SNRPN: variants seen among roughly 807,000 people sequenced by gnomAD.
SNRPN encodes the protein small nuclear ribonucleoprotein-associated protein N.
In SNRPN, 7 loss-of-function variants were observed where a neutral mutation model predicts 25.2. The ratio of observed to expected loss-of-function variants is 0.28; its 90% CI spans 0.16 to 0.52. SNRPN has a LOEUF of 0.52. Ranked by LOEUF, SNRPN falls within the 20% of genes least tolerant of loss-of-function variation. The probability of loss-of-function intolerance (pLI) is 0.96; values close to 1 mark genes in which losing one functional copy is unlikely to be tolerated. For synonymous variants in SNRPN, 124 were observed against 110.6 expected, an observed-to-expected ratio of 1.12 and a Z score of -0.76; for missense variants, 196 against 322.5, an observed-to-expected ratio of 0.61 and a Z score of 3.00.
intron 3 of SNRPN, among the ~76,000 whole-genome samples, chr15:24,945,343 T>TAA (rs11422448): frequency 0.067 from 5,597 of 83,576 alleles, 372 homozygotes; most frequent in Non-Finnish European, 0.074. Flanking sequence ...ACCCACCATG[T>TAA]AAAAAAAAAA....
intron 3 of SNRPN, among the ~76,000 whole-genome samples, chr15:24,949,214 G>GTTT (rs1467807595): frequency 6.6e-6 from 1 of 151,586 alleles, no homozygotes; most frequent in African/African-American, 2.4e-5. Context: ...TAGAGACAAG[G>GTTT]TTTTGCCATG....
intron 2 of SNRPN, among the ~76,000 whole-genome samples, chr15:24,834,715 G>GTCTCTCTCCCTCTC (rs2050859265): frequency 2.7e-5 from 1 of 36,948 alleles, no homozygotes; most frequent in Non-Finnish European, 6.9e-5. Context: ...GTGAGACCTT[G>GTCTCTCTCCCTCTC]TCTCTCTCTC....
chr15:24,845,314 A>G (rs1240889468), intron 2 of SNRPN, among the ~76,000 whole-genome samples: 6 of 152,224 alleles, frequency 3.9e-5, no homozygotes, highest in Admixed American at 3.9e-4. Context: ...AACTTGAAAT[A>G]ATGGCCAGGT....
intron 2 of SNRPN, among the ~76,000 whole-genome samples, chr15:24,891,461 G>T (rs983616764): frequency 6.7e-6 from 1 of 148,254 alleles, no homozygotes; most frequent in Non-Finnish European, 1.5e-5. Context: ...TTTTTGAGAC[G>T]GATTCTCGCT....
intron 2 of SNRPN, among the ~76,000 whole-genome samples, chr15:24,836,323 G>A (rs1467625201): frequency 6.6e-6 from 1 of 152,028 alleles, no homozygotes; most frequent in East Asian, 1.9e-4. Context: ...GCTCTGCAGG[G>A]GAGAAAAATA....
chr15:24,832,657 C>T (rs2050642394), intron 2 of SNRPN, among the ~76,000 whole-genome samples: 2 of 152,004 alleles, frequency 1.3e-5, no homozygotes. Flanking sequence ...TCTCTTCGCT[C>T]TTCACAATAA....
At position 24,929,464 on chromosome 15, in the gene SNRPN, T is replaced by C. The variant is rs2060650999; in HGVS notation, c.-391+9340T>C. Among the ~76,000 whole-genome samples, 1 of 152,170 alleles carries C rather than the reference T, an allele frequency of 6.6e-6. No homozygotes were observed. The highest frequency in any genetic ancestry group is 2.4e-5 in the African/African-American group (1 of 41,448). On this transcript the variant is annotated intron_variant, in intron 3 of 11. Transcript: ENST00000400097. The surrounding 1 kb of genome is among the most constrained non-coding windows in gnomAD (Gnocchi z 5.3). ...AATTTTCAGATAAATGTAAGCAGGC[T>C]TCTGCAGTGAAAGGGGCCAGGTCTA...
intron 7 of SNRPN, among the ~76,000 whole-genome samples, chr15:24,977,251 G>A (rs1475179010): frequency 6.6e-6 from 1 of 152,180 alleles, no homozygotes; most frequent in East Asian, 1.9e-4. Context: ...AGAGTAACTT[G>A]CCACTAGTGG....
intron 1 of SNRPN, among the ~76,000 whole-genome samples, chr15:24,872,821 G>A (rs1189986961): frequency 1.9e-5 from 2 of 107,480 alleles, no homozygotes; most frequent in East Asian, 3.1e-4. Context: ...AGGCTGAGGC[G>A]GGCGGATCAC....
intron 2 of SNRPN, among the ~76,000 whole-genome samples, chr15:24,887,991 G>A (rs2057343842): frequency 6.6e-6 from 1 of 151,846 alleles, no homozygotes; most frequent in African/African-American, 2.4e-5. Context: ...AATGTAAAAA[G>A]TATTAATCAT....
At chr15:24,940,753 T>C (rs575090030) in intron 3 of SNRPN, among the ~76,000 whole-genome samples, 12 of 152,114 alleles carry the variant, frequency 7.9e-5, no homozygotes, top group African/African-American at 2.9e-4. Flanking sequence ...AGGAGCTGTG[T>C]GTGTGTGTGT....
chr15:24,874,393 C>CA (rs1222957004), intron 1 of SNRPN, among the ~76,000 whole-genome samples: 1 of 148,754 alleles, frequency 6.7e-6, no homozygotes, highest in Non-Finnish European at 1.5e-5. Context: ...TGACCAATGT[C>CA]AGAGTGGAAA....
chr15:24,924,398 G>A lies in SNRPN; in HGVS notation c.-391+4274G>A, dbSNP rs553376667. On this transcript the variant is annotated intron_variant, in intron 3 of 11. Coordinates refer to the SNRPN transcript ENST00000400097. ...TTATCAAGGTCTACTCTCCTCTCCT[G>A]TGATAGGAGCCAATCTTCCCTGGTT... 1.4e-4 allele frequency among the ~76,000 whole-genome samples: 22 copies of A among 152,150 alleles called. No individual in the cohort carries two copies. The East Asian group carries it at 3.9e-3, about 27-fold the overall frequency.
At chr15:24,897,944 T>G (rs1048443299) in intron 2 of SNRPN, among the ~76,000 whole-genome samples, 3 of 152,190 alleles carry the variant, frequency 2.0e-5, no homozygotes, top group Non-Finnish European at 4.4e-5. Flanking sequence ...CCTGTATTAA[T>G]GTATTAATAC....
chr15:24,939,729 G>T (rs11631115), intron 3 of SNRPN, among the ~76,000 whole-genome samples: 7,915 of 148,290 alleles, frequency 0.053, 224 homozygotes, highest in African/African-American at 0.062. Flanking sequence ...CGCTGCACCT[G>T]GCTTGGCCCA....
At chr15:24,956,703 G>T (rs961553113) in intron 1 of SNRPN, among the ~76,000 whole-genome samples, 1 of 152,228 alleles carries the variant, frequency 6.6e-6, no homozygotes, top group African/African-American at 2.4e-5. Flanking sequence ...GCAGTAGAGG[G>T]GGGAGGAGGG....
chr15:24,921,056 T>C (rs1419058020), intron 3 of SNRPN: 2 of 152,192 alleles, frequency 1.3e-5, no homozygotes, highest in Non-Finnish European at 2.9e-5. Context: ...CAGTCCATGA[T>C]TTGTCTGGTG....
chr15:24,963,518 G>A (rs563431649), intron 2 of SNRPN, among the ~76,000 whole-genome samples: 167 of 152,062 alleles, frequency 1.1e-3, no homozygotes, highest in Non-Finnish European at 1.6e-3. Flanking sequence ...GGGAGGCTGA[G>A]GCAGGAGAAT....
In SNRPN at chr15:24,924,861, C is replaced by T. The variant is rs186180924; in HGVS notation, c.-391+4737C>T. Among the ~76,000 whole-genome samples, 4 of 152,202 alleles carry T rather than the reference C, an allele frequency of 2.6e-5. No individual in the cohort carries two copies. The East Asian group carries it at 7.7e-4, about 29-fold the overall frequency. On this transcript the variant is annotated intron_variant, in intron 3 of 11. Coordinates refer to the SNRPN transcript ENST00000400097. ...AGGCAGGAAGAAAGAAAAGAATACC[C>T]TTGTCCACAGCCAGGTCTTGTTGAG...
Sources: gnomAD v4.1 joint callset for allele counts (sites outside exome capture counted in the v4.1 genomes callset) on GRCh38, gnomAD v4.1.1 for gene constraint, Gnocchi (gnomAD v3.1) non-coding constraint, MANE v1.5 for transcripts, NCBI Gene and HGNC (gene_info 2026-07-23, HGNC 2026-07-21) for gene names.